The following DCTN4 variants were observed in gnomAD, a reference collection of about 807,000 sequenced individuals.
DCTN4 encodes the protein dynactin 4 (p62).
Under a neutral mutation model 62.7 loss-of-function variants are expected in DCTN4, and 23 were observed. The ratio of observed to expected loss-of-function variants is 0.37; its 90% CI spans 0.26 to 0.52. The LOEUF (loss-of-function observed/expected upper bound fraction) is 0.52, where lower values mean the gene tolerates loss of function less well. DCTN4 is among the 20% of genes least tolerant of loss of function. DCTN4 has a pLI of 0.92. For synonymous variants in DCTN4, 199 were observed against 202.1 expected, an observed-to-expected ratio of 0.98 and a Z score of 0.13; for missense variants, 514 against 580.4, an observed-to-expected ratio of 0.89 and a Z score of 1.18.
At chr5:150,741,726 C>G (rs1760777277) in intron 4 of DCTN4, among the ~76,000 whole-genome samples, 1 of 152,226 alleles carries the variant, frequency 6.6e-6, no homozygotes, top group South Asian at 2.1e-4. Flanking sequence ...AAGCAATCCT[C>G]CTGCCTCAGC....
intron 4 of DCTN4, among the ~76,000 whole-genome samples, chr5:150,737,487 T>C (rs1456707838): frequency 1.3e-5 from 2 of 152,208 alleles, no homozygotes; most frequent in African/African-American, 2.4e-5. Context: ...GCAAATTGCA[T>C]GGAAATTAAA....
At chr5:150,741,543 T>C (rs1186872682) in intron 4 of DCTN4, among the ~76,000 whole-genome samples, 1 of 152,092 alleles carries the variant, frequency 6.6e-6, no homozygotes, top group Non-Finnish European at 1.5e-5. Context: ...CGTGGTGGTA[T>C]GATCATAGCT....
In DCTN4 at chr5:150,715,615, T is replaced by G. The variant is rs1269466705; in HGVS notation, c.1119A>C (p.Ala373=). 6.2e-7 allele frequency: 1 copy of G among 1,614,244 alleles called. No individual in the cohort carries two copies. Among genetic ancestry groups the G allele is most frequent in the South Asian group, 1.1e-5 (1 of 91,088 alleles). Residue 373 remains alanine, a synonymous_variant, in exon 12 of 13, where the codon GCA becomes GCC. Transcript: ENST00000447998. ...KELVLAGKDA[A]AEYDELAEPQ... Reference sequence around the variant, plus strand: ...GTTCTGCCAACTCATCGTACTCTGCTGCTGCATCCTTGCCAGCTAAAACGA... The same window carrying G: ...GTTCTGCCAACTCATCGTACTCTGCGGCTGCATCCTTGCCAGCTAAAACGA...
chr5:150,729,101 C>T (rs956526651), intron 8 of DCTN4, among the ~76,000 whole-genome samples: 51 of 119,204 alleles, frequency 4.3e-4, no homozygotes, highest in African/African-American at 1.6e-3. Flanking sequence ...CACTATGTTG[C>T]CTAGGCTGAT....
chr5:150,744,997 A>T (rs896489120), intron 3 of DCTN4, among the ~76,000 whole-genome samples: 1 of 151,140 alleles, frequency 6.6e-6, no homozygotes, highest in Non-Finnish European at 1.5e-5. Context: ...CAGACTGGCA[A>T]ATTGGATAAA....
Position 150,711,254 on chromosome 5 carries a change from T to C in DCTN4, c.1278A>G (p.Lys426=), listed in dbSNP as rs202217384. The C allele has an allele frequency of 7.8e-5, 126 of 1,613,340 alleles. No homozygotes were observed. The East Asian group carries it at 2.7e-3, about 34-fold the overall frequency. The change falls in exon 13 of 13, where the codon AAA becomes AAG. Residue 426 remains lysine, a synonymous_variant. Coordinates refer to ENST00000447998, the MANE Select transcript of DCTN4 (RefSeq NM_016221.4). ...TVCFKMKHDF[K]NLAAPIRPIE... is the part of the protein sequence containing the mutation. Reference sequence around the variant, plus strand: ...TGGGGCGAATGGGGGCTGCCAGGTTTTTAAAATCATGCTTCATCTTGAAGC... The same window carrying C: ...TGGGGCGAATGGGGGCTGCCAGGTTCTTAAAATCATGCTTCATCTTGAAGC...
intron 4 of DCTN4, among the ~76,000 whole-genome samples, chr5:150,738,935 T>C (rs1760675270): frequency 6.6e-6 from 1 of 152,176 alleles, no homozygotes. Context: ...GGCTCATGCC[T>C]GTAACCCGAA....
intron 4 of DCTN4, among the ~76,000 whole-genome samples, chr5:150,735,928 A>G (rs2113077993): frequency 6.6e-6 from 1 of 151,910 alleles, no homozygotes; most frequent in African/African-American, 2.4e-5. Context: ...AAAAAAAAAA[A>G]AAATACAGGT....
intron 4 of DCTN4, among the ~76,000 whole-genome samples, chr5:150,735,726 TC>T (rs1760554535): frequency 6.6e-6 from 1 of 151,930 alleles, no homozygotes. Context: ...GAAAAACAAT[TC>T]TGGTAATATG....
At chr5:150,757,502 G>C (rs1752905290) in intron 1 of DCTN4, among the ~76,000 whole-genome samples, 1 of 152,116 alleles carries the variant, frequency 6.6e-6, no homozygotes, top group Non-Finnish European at 1.5e-5. Context: ...TGCTGTCACA[G>C]ACTGGATGTC....
intron 3 of DCTN4, among the ~76,000 whole-genome samples, chr5:150,751,170 TC>T (rs1227880103): frequency 6.6e-6 from 1 of 152,156 alleles, no homozygotes; most frequent in African/African-American, 2.4e-5. Context: ...TAAGTTTTTC[TC>T]CGTACATTAC....
Position 150,729,695 on chromosome 5 carries a change from A to G in DCTN4, c.834+936T>C, listed in dbSNP as rs150025849. ...CTATTCACAGGCACCATCATCACAC[A>G]CTACAGTCTCAAACTCCTCAGGCTC... On this transcript the variant is annotated intron_variant, in intron 8 of 12. Transcript: ENST00000447998. Among the ~76,000 whole-genome samples, 248 of 151,448 alleles carry G rather than the reference A, an allele frequency of 1.6e-3. 2 individuals carry two copies. Among genetic ancestry groups the G allele is most frequent in the African/African-American group, 5.6e-3 (229 of 41,120 alleles).
chr5:150,724,166 ATTTT>A (rs976284690), intron 8 of DCTN4, among the ~76,000 whole-genome samples: 2 of 152,088 alleles, frequency 1.3e-5, no homozygotes, highest in Admixed American at 6.6e-5. Flanking sequence ...ACTGCAGTTA[ATTTT>A]TTTTAATTTT....
intron 4 of DCTN4, among the ~76,000 whole-genome samples, chr5:150,741,655 A>T (rs1380528892): frequency 6.6e-6 from 1 of 151,732 alleles, no homozygotes; most frequent in Non-Finnish European, 1.5e-5. Context: ...TGAATTTTTA[A>T]TTTTTTTGTA....
At chr5:150,723,011 G>C (rs371495658) in intron 8 of DCTN4, 31 bp from the exon 9 acceptor site, 232 of 1,481,376 alleles carry the variant, frequency 1.6e-4, no homozygotes, top group Non-Finnish European at 2.1e-4. Context: ...ACACGTATCA[G>C]AAGACAACAA....
chr5:150,747,660 G>A (rs199825377), intron 3 of DCTN4, among the ~76,000 whole-genome samples: 22,100 of 150,900 alleles, frequency 0.15, 2,864 homozygotes, highest in African/African-American at 0.35. Context: ...TCTGATCTTT[G>A]ACGAACCTGA....
chr5:150,715,145 A>G (rs1295139682), intron 12 of DCTN4, among the ~76,000 whole-genome samples: 2 of 136,134 alleles, frequency 1.5e-5, no homozygotes, highest in African/African-American at 5.6e-5. Context: ...AGTAAAATCT[A>G]TTAATTCCTC....
intron 3 of DCTN4, among the ~76,000 whole-genome samples, chr5:150,747,086 CAA>C (rs1369694134): frequency 6.6e-6 from 1 of 152,282 alleles, no homozygotes; most frequent in East Asian, 1.9e-4. Flanking sequence ...GCAACTTCAG[CAA>C]AGTCTCGGGA....
intron 3 of DCTN4, among the ~76,000 whole-genome samples, chr5:150,750,118 G>T (rs948766974): frequency 1.3e-5 from 2 of 152,030 alleles, no homozygotes; most frequent in African/African-American, 4.8e-5. Flanking sequence ...TTCTCTAGGG[G>T]GACAGAAATG....
Sources: gnomAD v4.1 joint callset for allele counts (sites outside exome capture counted in the v4.1 genomes callset) on GRCh38, gnomAD v4.1.1 for gene constraint, MANE v1.5 for transcripts, NCBI Gene and HGNC (gene_info 2026-07-23, HGNC 2026-07-21) for gene names.